Variants in ZNF845 observed in about 807,000 individuals in gnomAD.
ZNF845 encodes zinc finger protein 845.
Under a neutral mutation model 76.1 loss-of-function variants are expected in ZNF845, and 59 were observed. That is an observed-to-expected ratio of 0.78 (90% CI 0.63 to 0.96). ZNF845 has a LOEUF of 0.96. ZNF845 is among the 40% of genes least tolerant of loss of function. The pLI is 0.00. For synonymous variants in ZNF845, 361 were observed against 386.9 expected, an observed-to-expected ratio of 0.93 and a Z score of 0.78; for missense variants, 1,045 against 1,172.8, an observed-to-expected ratio of 0.89 and a Z score of 1.59.
intron 3 of ZNF845, among the ~76,000 whole-genome samples, chr19:53,346,689 A>G (rs947266559): frequency 6.6e-6 from 1 of 152,032 alleles, no homozygotes; most frequent in Non-Finnish European, 1.5e-5. Flanking sequence ...TCAAAAAAAT[A>G]TTTTCATCAC....
intron 2 of ZNF845, among the ~76,000 whole-genome samples, chr19:53,343,616 A>G (rs1332415633): frequency 1.3e-5 from 2 of 152,166 alleles, no homozygotes; most frequent in Admixed American, 1.3e-4. Context: ...ACCCACCTAC[A>G]CAAGTATACA....
At position 53,352,357 on chromosome 19, in the gene ZNF845, G is replaced by T. The variant is rs189942098; in HGVS notation, c.1682G>T (p.Arg561Leu). ...TGTAATGAGTGTGGCAAAGCCTTTC[G>T]TGGGCAGTCAGCACTTATTTACCAT... ...YQCNECGKAF[R>L]GQSALIYHQA... The change falls in exon 4 of 4, where the codon CGT becomes CTT. Residue 561 changes from arginine (R) to leucine (L), a missense_variant. By Grantham distance (102) the Arg-to-Leu change is moderately radical. Transcript: ENST00000458035. 3 of 1,613,716 alleles carry T rather than the reference G, an allele frequency of 1.9e-6. No individual in the cohort carries two copies.
chr19:53,343,607 C>G (rs1281696485), intron 2 of ZNF845, among the ~76,000 whole-genome samples: 2 of 152,112 alleles, frequency 1.3e-5, no homozygotes, highest in African/African-American at 4.8e-5. Context: ...TATATGCACA[C>G]CCACCTACAC....
chr19:53,347,262 CATTT>C (rs2085302846), intron 3 of ZNF845, among the ~76,000 whole-genome samples: 1 of 150,518 alleles, frequency 6.6e-6, no homozygotes, highest in Non-Finnish European at 1.5e-5. Context: ...AGACTTCTTT[CATTT>C]CTTTCTTTCT....
At chr19:53,343,281 G>A (rs377234236) in intron 2 of ZNF845, among the ~76,000 whole-genome samples, 1 of 152,300 alleles carries the variant, frequency 6.6e-6, no homozygotes, top group East Asian at 1.9e-4. Context: ...TAGTTAACAT[G>A]GCTAGCTTGC....
intron 1 of ZNF845, among the ~76,000 whole-genome samples, chr19:53,336,633 C>CTTTT (rs398035035): frequency 2.2e-3 from 200 of 92,260 alleles, no homozygotes; most frequent in Middle Eastern, 6.0e-3. Flanking sequence ...TTCTTTCTTT[C>CTTTT]TTTTTTTTTT....
chr19:53,353,606 C>CAAAGTTTA lies in ZNF845; in HGVS notation c.*19_*26dup. On this transcript the variant is annotated 3_prime_UTR_variant, in exon 4 of 4. Transcript: ENST00000458035. ...AACATTAGAAATATGAAGAATGTGA[C>CAAAGTTTA]AAAGTTTACAGTTGTAAATCAAGTC... is the stretch of plus-strand genomic sequence containing the variant. 6.4e-7 allele frequency: 1 copy of CAAAGTTTA among 1,557,902 alleles called. No homozygotes were observed. The highest frequency in any genetic ancestry group is 1.2e-5 in the South Asian group (1 of 83,144).
chr19:53,340,853 C>T (rs902762478), intron 1 of ZNF845: 20 of 370,074 alleles, frequency 5.4e-5, no homozygotes, highest in African/African-American at 1.9e-4. Flanking sequence ...GTTCCTGGGC[C>T]GAGGTTGCTC....
intron 1 of ZNF845, among the ~76,000 whole-genome samples, chr19:53,337,705 A>T (rs1364849305): frequency 1.3e-5 from 2 of 152,068 alleles, no homozygotes; most frequent in Non-Finnish European, 2.9e-5. Flanking sequence ...AGTAGCTGGG[A>T]TTACAGAGTC....
chr19:53,342,966 C>A (rs575100728), intron 2 of ZNF845, among the ~76,000 whole-genome samples: 2 of 152,068 alleles, frequency 1.3e-5, no homozygotes. Context: ...TTACAGGTGC[C>A]TGCCACCACT....
rs1486384876 is a variant in ZNF845, at chr19:53,353,050, A to G, written c.2375A>G (p.Gln792Arg). ...TTTGGGCGTGATTCACACCTGGCAC[A>G]ACATACTAGAATTCACACTGGAGAG... Reference protein sequence around the residue: ...KAFGRDSHLAQHTRIHTGEKP... With the variant: ...KAFGRDSHLARHTRIHTGEKP... The change falls in exon 4 of 4, where the codon CAA (glutamine) becomes CGA (arginine). Residue 792 changes from glutamine to arginine, a missense_variant. Gln to Arg is a conservative substitution (Grantham distance 43, BLOSUM62 1). Transcript: ENST00000458035. 1 of 1,613,572 alleles carries G rather than the reference A, an allele frequency of 6.2e-7. No homozygotes were observed. Among genetic ancestry groups the G allele is most frequent in the Non-Finnish European group, 8.5e-7 (1 of 1,179,826 alleles).
chr19:53,338,916 TAA>T (rs35457065), intron 1 of ZNF845, among the ~76,000 whole-genome samples: 1 of 132,082 alleles, frequency 7.6e-6, no homozygotes, highest in African/African-American at 2.9e-5. Context: ...CCATCTCTAC[TAA>T]AAAAAAAAAA....
chr19:53,354,668 C>T lies in ZNF845; in HGVS notation c.*1080C>T, dbSNP rs1356607962. ...TAGTTTTTTTGATCAATGTAGATTT[C>T]AAGGTACAAGCTTCTCACCTCCTTA... On this transcript the variant is annotated 3_prime_UTR_variant, in exon 4 of 4. Transcript: ENST00000458035. The T allele has an allele frequency of 6.6e-6, 1 of 152,388 alleles. No individual in the cohort carries two copies. Among genetic ancestry groups the T allele is most frequent in the African/African-American group, 2.4e-5 (1 of 41,440 alleles). The allele number at this position is 152,388 out of a possible 1,614,324, so 9.4% of individuals were successfully genotyped here.
At chr19:53,344,472 A>G (rs2085279152) in intron 2 of ZNF845, among the ~76,000 whole-genome samples, 1 of 152,034 alleles carries the variant, frequency 6.6e-6, no homozygotes, top group Non-Finnish European at 1.5e-5. Context: ...TGGGAGGTGG[A>G]GGTTGCAGTG....
At chr19:53,348,284 G>C (rs1322895499) in intron 3 of ZNF845, among the ~76,000 whole-genome samples, 2 of 152,094 alleles carry the variant, frequency 1.3e-5, no homozygotes, top group Non-Finnish European at 2.9e-5. Context: ...AAACAAAAAA[G>C]GTAGTAGCTT....
intron 3 of ZNF845, among the ~76,000 whole-genome samples, chr19:53,346,722 A>C (rs1164638396): frequency 1.3e-5 from 2 of 152,152 alleles, no homozygotes; most frequent in African/African-American, 4.8e-5. Context: ...TTCTTTCTCC[A>C]CTAGAACTCT....
intron 1 of ZNF845, among the ~76,000 whole-genome samples, chr19:53,337,290 C>T: frequency 6.6e-6 from 1 of 152,230 alleles, no homozygotes; most frequent in Non-Finnish European, 1.5e-5. Context: ...CCCTCCCACC[C>T]CCATCTGAAG....
At position 53,354,713 on chromosome 19, in the gene ZNF845, A is replaced by G. The variant is rs1205447437; in HGVS notation, c.*1125A>G. 1.3e-5 allele frequency: 2 copies of G among 152,240 alleles called. No homozygotes were observed. Among genetic ancestry groups the G allele is most frequent in the African/African-American group, 4.8e-5 (2 of 41,446 alleles). 9.4% of individuals were successfully genotyped at this position (152,240 alleles called of 1,614,324 possible). A position where few individuals can be genotyped will look rare whatever the true frequency, so the allele number is the denominator to read the frequency against. On this transcript the variant is annotated 3_prime_UTR_variant, in exon 4 of 4. Transcript: ENST00000458035. ...TCCTTAATTCAGTTTATTTGTAAGT[A>G]TTAAGTTTCATAGCAAATTGAAGTG...
intron 1 of ZNF845, among the ~76,000 whole-genome samples, chr19:53,337,554 TATTTTA>T (rs2085224367): frequency 1.3e-5 from 2 of 152,064 alleles, no homozygotes; most frequent in Admixed American, 6.6e-5. Context: ...CTAATTTTTG[TATTTTA>T]ATTTTAATTT....
Sources: allele counts gnomAD v4.1 joint callset (sites outside exome capture counted in the v4.1 genomes callset), GRCh38; gene constraint gnomAD v4.1.1; transcripts MANE v1.5; gene names NCBI Gene and HGNC (gene_info 2026-07-23, HGNC 2026-07-21).